GPR83: variants seen among roughly 807,000 people sequenced by gnomAD.
GPR83 encodes the protein G protein-coupled receptor 83, also known as G-protein coupled receptor 72.
GPR83 carries 23 observed loss-of-function variants against 28.0 expected under a neutral mutation model. That is an observed-to-expected ratio of 0.82 (90% confidence interval 0.59 to 1.16). GPR83 has a LOEUF of 1.16. Among genes scored for constraint, GPR83 ranks in the 50% most tolerant of loss-of-function variants. The probability of loss-of-function intolerance (pLI) is 0.00; values close to 1 mark genes in which losing one functional copy is unlikely to be tolerated. For missense variants in GPR83, 610 were observed against 536.6 expected, an observed-to-expected ratio of 1.14 and a Z score of -1.35; for synonymous variants, 234 against 215.4, an observed-to-expected ratio of 1.09 and a Z score of -0.76.
chr11:94,398,200 C>T (rs1944883150), intron 1 of GPR83, among the ~76,000 whole-genome samples: 1 of 152,210 alleles, frequency 6.6e-6, no homozygotes, highest in South Asian at 2.1e-4. Flanking sequence ...TCAGCCTTCA[C>T]ACTCCTGACA....
rs141682819 is a variant in GPR83, at chr11:94,395,510, C to T, written c.513+889G>A. Among the ~76,000 whole-genome samples the T allele has an allele frequency of 3.7e-3, 570 of 152,338 alleles. 1 individual carries two copies. Among genetic ancestry groups the T allele is most frequent in the Non-Finnish European group, 4.6e-3 (313 of 68,036 alleles). On this transcript the variant is annotated intron_variant, in intron 2 of 3. Transcript: ENST00000243673. ...GTCCTAATCCTAGCTTCACCATTCA[C>T]AGGCACATGATCTCGGAAAAGCTAC... is the stretch of plus-strand genomic sequence containing the variant.
At chr11:94,390,341 T>A (rs1043131964) in intron 3 of GPR83, among the ~76,000 whole-genome samples, 2 of 151,912 alleles carry the variant, frequency 1.3e-5, no homozygotes, top group African/African-American at 4.8e-5. Context: ...AAAGAAAGAT[T>A]TATGACAAAC....
intron 3 of GPR83, among the ~76,000 whole-genome samples, chr11:94,381,973 T>C (rs868814574): frequency 4.6e-5 from 7 of 152,132 alleles, no homozygotes; most frequent in Non-Finnish European, 7.3e-5. Flanking sequence ...CTCTTTCCCA[T>C]TGCTCCTGGG....
Position 94,393,494 on chromosome 11 carries a change from A to G in GPR83, c.638T>C (p.Phe213Ser), listed in dbSNP as rs1016467000. 9.9e-6 allele frequency: 16 copies of G among 1,613,920 alleles called. No homozygotes were observed. The highest frequency in any genetic ancestry group is 1.4e-5 in the Non-Finnish European group (16 of 1,179,938). The part of the protein sequence containing the change: ...PHAICQKLFT[F>S]KYSEDIVRSL... ...AACGAATTCATCTCACCTGTATTTGAAGGTAAATAATTTCTGGCAGATAGC... is the reference window on the plus strand; with the variant it reads ...AACGAATTCATCTCACCTGTATTTGGAGGTAAATAATTTCTGGCAGATAGC... Residue 213 changes from phenylalanine (F) to serine (S), a missense_variant, in exon 3 of 4, where the codon TTC (phenylalanine) becomes TCC (serine). Coordinates refer to ENST00000243673, the MANE Select transcript of GPR83 (RefSeq NM_016540.4).
chr11:94,397,171 G>A (rs907582518), intron 1 of GPR83, among the ~76,000 whole-genome samples: 1 of 152,146 alleles, frequency 6.6e-6, no homozygotes, highest in East Asian at 1.9e-4. Context: ...ACCTGGAGAG[G>A]TATGAACAGG....
Position 94,380,427 on chromosome 11 carries a change from A to C in GPR83, c.994T>G (p.Trp332Gly), listed in dbSNP as rs2134679974. 6.2e-7 allele frequency: 1 copy of C among 1,614,218 alleles called. No homozygotes were observed. Among genetic ancestry groups the C allele is most frequent in the East Asian group, 2.2e-5 (1 of 44,878 alleles). Residue 332 changes from tryptophan (W) to glycine (G), a missense_variant, in exon 4 of 4, where the codon TGG (tryptophan) becomes GGG (glycine). Physicochemically the swap from Trp to Gly is radical, Grantham distance 184. Coordinates refer to ENST00000243673, the MANE Select transcript of GPR83 (RefSeq NM_016540.4). ...TNNALYFAFH[W>G]FAMSSTCYNP... ...TAGCAGGTGCTGCTCATGGCAAACC[A>C]GTGGAAGGCAAAGTAGAGGGCATTG...
In GPR83 at chr11:94,386,569, C is replaced by T. The variant is rs111472043; in HGVS notation, c.648-5796G>A. On this transcript the variant is annotated intron_variant, in intron 3 of 3. Coordinates refer to ENST00000243673, the MANE Select transcript of GPR83 (RefSeq NM_016540.4). Reference sequence around the variant, plus strand: ...CAATCCTAGTCTCTGATAAAACAGACTTTAAACCAAAGGCCATTACATAAT... The same window carrying T: ...CAATCCTAGTCTCTGATAAAACAGATTTTAAACCAAAGGCCATTACATAAT... Among the ~76,000 whole-genome samples the T allele has an allele frequency of 9.0e-3, 1,360 of 151,896 alleles. 20 individuals are homozygous for T. Among genetic ancestry groups the T allele is most frequent in the African/African-American group, 0.031 (1,299 of 41,512 alleles).
rs60392353 is a variant in GPR83 at position 94,379,094 on chromosome 11, G to A, written c.*1055C>T. On this transcript the variant is annotated 3_prime_UTR_variant, in exon 4 of 4. Transcript: ENST00000243673. Reference sequence around the variant, plus strand: ...AAAGTATAAATGAAAAAAAAGGGCCGGGCGGGGTGGCTCACGCCTGTAATC... The same window carrying A: ...AAAGTATAAATGAAAAAAAAGGGCCAGGCGGGGTGGCTCACGCCTGTAATC... 0.095 allele frequency: 14,455 copies of A among 152,232 alleles called. 786 individuals are homozygous for A. Among genetic ancestry groups the A allele is most frequent in the Admixed American group, 0.14 (2,127 of 15,284 alleles). The allele number at this position is 152,232 out of a possible 1,614,324, so 9.4% of individuals were successfully genotyped here. A position where few individuals can be genotyped will look rare whatever the true frequency, so the allele number is the denominator to read the frequency against.
intron 3 of GPR83, among the ~76,000 whole-genome samples, chr11:94,389,689 T>C (rs1405565756): frequency 6.6e-6 from 1 of 152,182 alleles, no homozygotes. Context: ...GGAGAGGCTG[T>C]GGAGAAATAG....
At position 94,384,528 on chromosome 11, in the gene GPR83, G is replaced by A. The variant is rs192090415; in HGVS notation, c.648-3755C>T. On this transcript the variant is annotated intron_variant, in intron 3 of 3. Transcript: ENST00000243673. ...GGGTGCAGCACACAAAGCATGAGCCGAAGCAGGGCAAGGCATCGCCTCACC... is the reference window on the plus strand; with the variant it reads ...GGGTGCAGCACACAAAGCATGAGCCAAAGCAGGGCAAGGCATCGCCTCACC... Among the ~76,000 whole-genome samples, 21 of 152,342 alleles carry A rather than the reference G, an allele frequency of 1.4e-4. No individual in the cohort carries two copies. In the East Asian group the frequency reaches 1.9e-3, roughly 14 times the overall value.
At chr11:94,400,564 TGAG>T (rs1944902050) in intron 1 of GPR83, among the ~76,000 whole-genome samples, 9 of 120,234 alleles carry the variant, frequency 7.5e-5, no homozygotes, top group East Asian at 5.0e-4. Context: ...AAAAAAAAGA[TGAG>T]GACACTGAGA....
chr11:94,386,572 T>C (rs1190817751), intron 3 of GPR83, among the ~76,000 whole-genome samples: 2 of 151,642 alleles, frequency 1.3e-5, no homozygotes, highest in Non-Finnish European at 3.0e-5. Flanking sequence ...AAACAGACTT[T>C]AAACCAAAGG....
intron 3 of GPR83, among the ~76,000 whole-genome samples, chr11:94,388,124 G>A (rs942188166): frequency 3.0e-4 from 46 of 152,222 alleles, no homozygotes; most frequent in Non-Finnish European, 4.3e-4. Context: ...AAATTCAACA[G>A]CCCTTCATGC....
chr11:94,393,447 C>T, intron 3 of GPR83, 38 bp downstream of exon 3: 3 of 1,608,002 alleles, frequency 1.9e-6, no homozygotes, highest in Non-Finnish European at 2.6e-6. Context: ...CAGGAGAAGA[C>T]ACAAGTCCCC....
intron 1 of GPR83, among the ~76,000 whole-genome samples, chr11:94,396,843 C>T (rs185499651): frequency 3.2e-3 from 478 of 150,344 alleles, no homozygotes; most frequent in Middle Eastern, 6.8e-3. Context: ...AGATAGGTAA[C>T]CTCTCTGAAT....
rs1591611024 is a variant in GPR83, at chr11:94,401,408, C to A, written c.-161G>T. The A allele has an allele frequency of 3.5e-6, 2 of 577,400 alleles. No homozygotes were observed. Among genetic ancestry groups the A allele is most frequent in the Non-Finnish European group, 2.8e-6 (1 of 357,866 alleles). 35.8% of individuals were successfully genotyped at this position (577,400 alleles called of 1,614,324 possible). A position where few individuals can be genotyped will look rare whatever the true frequency, so the allele number is the denominator to read the frequency against. On this transcript the variant is annotated 5_prime_UTR_variant, in exon 1 of 4. Coordinates refer to ENST00000243673, the MANE Select transcript of GPR83 (RefSeq NM_016540.4). ...AGCACCGCGCCGCCCGCCACCAGCC[C>A]GCGGTCGGCACGCCAGCTCCGGGTT...
At chr11:94,392,305 A>C (rs1418513051) in intron 3 of GPR83, among the ~76,000 whole-genome samples, 1 of 151,942 alleles carries the variant, frequency 6.6e-6, no homozygotes, top group Non-Finnish European at 1.5e-5. Flanking sequence ...GGGAAACATC[A>C]CACACTGGGT....
At chr11:94,385,427 G>A (rs903576190) in intron 3 of GPR83, among the ~76,000 whole-genome samples, 14 of 152,110 alleles carry the variant, frequency 9.2e-5, no homozygotes, top group Admixed American at 3.3e-4. Flanking sequence ...TCGAACCCAC[G>A]GCAAAGAAGT....
intron 3 of GPR83, among the ~76,000 whole-genome samples, chr11:94,384,066 C>T (rs949250904): frequency 8.5e-5 from 13 of 152,158 alleles, no homozygotes; most frequent in African/African-American, 2.7e-4. Context: ...CCCTGAGGAA[C>T]ATGAATGCGA....
Sources: gnomAD v4.1 joint callset for allele counts (sites outside exome capture counted in the v4.1 genomes callset) on GRCh38, gnomAD v4.1.1 for gene constraint, MANE v1.5 for transcripts, NCBI Gene and HGNC (gene_info 2026-07-23, HGNC 2026-07-21) for gene names.